ZSWIM2: variants seen among roughly 807,000 people sequenced by gnomAD.
The protein encoded by ZSWIM2 is zinc finger SWIM-type containing 2.
In ZSWIM2, 38 loss-of-function variants were observed where a neutral mutation model predicts 48.4. The ratio of observed to expected loss-of-function variants is 0.79; its 90% CI spans 0.61 to 1.03. ZSWIM2 has a LOEUF of 1.03. ZSWIM2 is among the 50% of genes least tolerant of loss of function. ZSWIM2 has a pLI of 0.00. For missense variants in ZSWIM2, 776 were observed against 730.2 expected (o/e 1.06, Z -0.72); for synonymous variants, 240 against 251.3 (o/e 0.96, Z 0.42).
chr2:186,847,789 G>A lies in ZSWIM2; in HGVS notation c.172C>T (p.Leu58=). The A allele has an allele frequency of 6.2e-7, 1 of 1,600,326 alleles. No homozygotes were observed. Among genetic ancestry groups the A allele is most frequent in the Non-Finnish European group, 8.5e-7 (1 of 1,173,000 alleles). The change falls in exon 2 of 9, where the codon CTA becomes TTA. Residue 58 remains leucine (L), a synonymous_variant. Transcript: ENST00000295131. The stretch of plus-strand genomic sequence containing the variant: ...CAGTTACAAACGTGAGGATTTCCTA[G>A]AAAAACCTTTAAAGGAAAAATGCAT... ...EPEYMDFRVF[L]GNPHVCNCST...
At position 186,837,174 on chromosome 2, in the gene ZSWIM2, G is replaced by A. The variant is rs990473483; in HGVS notation, c.743+132C>T. ...AAGTCAGTCTGTGAGTCCTAAATAA[G>A]CAGTCGTCACACAAGTCAAACAGTA... On this transcript the variant is annotated intron_variant, in intron 5 of 8. Coordinates refer to ENST00000295131, the MANE Select transcript of ZSWIM2 (RefSeq NM_182521.3). 4.5e-6 allele frequency: 4 copies of A among 880,872 alleles called. No homozygotes were observed. The African/African-American group carries it at 6.8e-5, about 15-fold the overall frequency. 54.6% of individuals were successfully genotyped at this position (880,872 alleles called of 1,614,324 possible).
In ZSWIM2 at chr2:186,834,038, T is replaced by C; in HGVS notation, c.744-8A>G. ...TCTATGCATTCGGTACACCTAAAAA[T>C]ACAAAACATCAAAACACGCAAGAAA... On this transcript the variant is annotated splice_region_variant and splice_polypyrimidine_tract_variant and intron_variant, in intron 5 of 8. Coordinates refer to ENST00000295131, the MANE Select transcript of ZSWIM2 (RefSeq NM_182521.3). 2 of 1,597,736 alleles carry C rather than the reference T, an allele frequency of 1.3e-6. No individual in the cohort carries two copies. Among genetic ancestry groups the C allele is most frequent in the Non-Finnish European group, 1.7e-6 (2 of 1,168,528 alleles).
rs1691643709 is a variant in ZSWIM2 at position 186,828,713 on chromosome 2, GTTATATA to G, written c.1166_1172del (p.Ile389ThrfsTer3). 6.2e-7 allele frequency: 1 copy of G among 1,611,916 alleles called. No individual in the cohort carries two copies. ...CTGCTGAATTTTTCCAAGTTAAAGG[GTTATATA>G]TAACTTGTCCATCAATAGGGCATGA... On this transcript the variant is annotated frameshift_variant, in exon 9 of 9. Coordinates refer to ENST00000295131, the MANE Select transcript of ZSWIM2 (RefSeq NM_182521.3). LOFTEE classifies it low-confidence loss of function (END_TRUNC).
At chr2:186,841,658 C>T (rs968578830) in intron 3 of ZSWIM2, among the ~76,000 whole-genome samples, 2 of 151,022 alleles carry the variant, frequency 1.3e-5, no homozygotes, top group African/African-American at 2.4e-5. Flanking sequence ...TATAATATAC[C>T]ATATTTAGTG....
chr2:186,844,774 G>A lies in ZSWIM2; in HGVS notation c.243-17C>T. The stretch of plus-strand genomic sequence containing the variant: ...AACAAGACCCTAACATTCACAAGTA[G>A]AAAAAAAATCAAGACATTTATTTTT... On this transcript the variant is annotated splice_polypyrimidine_tract_variant and intron_variant, in intron 2 of 8. Transcript: ENST00000295131. The A allele has an allele frequency of 1.3e-6, 2 of 1,535,394 alleles. No individual in the cohort carries two copies. Among genetic ancestry groups the A allele is most frequent in the Non-Finnish European group, 1.7e-6 (2 of 1,147,306 alleles).
chr2:186,833,327 A>G (rs1006856193), intron 6 of ZSWIM2, 95 bp from the exon 7 acceptor site: 3 of 559,206 alleles, frequency 5.4e-6, no homozygotes, highest in Non-Finnish European at 9.4e-6. Flanking sequence ...TAATGTGAAC[A>G]ATACACAATA....
chr2:186,828,315 C>T lies in ZSWIM2; in HGVS notation c.1571G>A (p.Cys524Tyr), dbSNP rs918209762. The change falls in exon 9 of 9, where the codon TGT becomes TAT. Residue 524 changes from cysteine to tyrosine, a missense_variant. By Grantham distance (194) the Cys-to-Tyr change is radical. Coordinates refer to ENST00000295131, the MANE Select transcript of ZSWIM2 (RefSeq NM_182521.3). ...LPPIVHKNIV[C>Y]PTAMESPCIS... The stretch of plus-strand genomic sequence containing the variant: ...GCATGGACTTTCCATTGCAGTGGGA[C>T]ACACAATATTCTTATGAACAATAGG... 6 of 1,613,536 alleles carry T rather than the reference C, an allele frequency of 3.7e-6. No homozygotes were observed. The highest frequency in any genetic ancestry group is 5.1e-6 in the Non-Finnish European group (6 of 1,179,814).
intron 2 of ZSWIM2, among the ~76,000 whole-genome samples, chr2:186,846,794 T>TAC (rs1692009861): frequency 2.6e-5 from 2 of 76,436 alleles, no homozygotes; most frequent in African/African-American, 8.3e-5. Context: ...AACATATATA[T>TAC]ATACACACAC....
intron 4 of ZSWIM2, 122 bp downstream of exon 4, chr2:186,838,837 T>C: frequency 2.0e-6 from 1 of 512,352 alleles, no homozygotes; most frequent in Non-Finnish European, 3.3e-6. Context: ...GTTAATTAAG[T>C]ATAAATTAGC....
intron 1 of ZSWIM2, 86 bp downstream of exon 1, chr2:186,848,880 G>A (rs1464077096): frequency 1.3e-6 from 2 of 1,539,148 alleles, no homozygotes; most frequent in Middle Eastern, 1.7e-4. Flanking sequence ...AGATTGTGAT[G>A]GTGGCTACGC....
intron 3 of ZSWIM2, among the ~76,000 whole-genome samples, chr2:186,842,614 A>C (rs2122870): frequency 0.25 from 37,151 of 151,290 alleles, 5,208 homozygotes; most frequent in Non-Finnish European, 0.31. Flanking sequence ...CATACGATTC[A>C]ATTTATAAAA....
At chr2:186,842,779 A>G (rs920947421) in intron 3 of ZSWIM2, among the ~76,000 whole-genome samples, 2 of 151,556 alleles carry the variant, frequency 1.3e-5, no homozygotes, top group African/African-American at 4.8e-5. Flanking sequence ...ACAAATTTTA[A>G]ATTTTGTTAA....
In ZSWIM2 at chr2:186,827,855, T is replaced by G; in HGVS notation, c.*129A>C. 2.8e-6 allele frequency: 2 copies of G among 715,176 alleles called. No homozygotes were observed. Among genetic ancestry groups the G allele is most frequent in the Non-Finnish European group, 4.4e-6 (2 of 457,344 alleles). 44.3% of individuals were successfully genotyped at this position (715,176 alleles called of 1,614,324 possible). ...TTTCCTTTAAGTGTAGTGAGCTGTT[T>G]ATAGGTAAGTAGGCAAATTCCAACA... is the stretch of plus-strand genomic sequence containing the variant. On this transcript the variant is annotated 3_prime_UTR_variant, in exon 9 of 9. Transcript: ENST00000295131.
chr2:186,847,881 G>A (rs1574144204), intron 1 of ZSWIM2, 86 bp from the exon 2 acceptor site: 1 of 943,610 alleles, frequency 1.1e-6, no homozygotes, highest in Non-Finnish European at 1.6e-6. Context: ...ATTTGAAGAG[G>A]TAATTTAGTT....
intron 4 of ZSWIM2, among the ~76,000 whole-genome samples, chr2:186,838,077 GT>G (rs1691829760): frequency 6.6e-6 from 1 of 151,282 alleles, no homozygotes; most frequent in Admixed American, 6.6e-5. Context: ...GTGGACAAAA[GT>G]TTTGTTAAAT....
At chr2:186,832,725 C>A in intron 7 of ZSWIM2, among the ~76,000 whole-genome samples, 1 of 151,518 alleles carries the variant, frequency 6.6e-6, no homozygotes, top group South Asian at 2.1e-4. Flanking sequence ...CTACTGTATC[C>A]CTCATATCTA....
intron 5 of ZSWIM2, among the ~76,000 whole-genome samples, chr2:186,835,258 C>A (rs1691773724): frequency 6.6e-6 from 1 of 152,098 alleles, no homozygotes; most frequent in African/African-American, 2.4e-5. Flanking sequence ...TCCATAAAAG[C>A]CCAATCTCAA....
At chr2:186,846,810 CAT>C (rs36111849) in intron 2 of ZSWIM2, among the ~76,000 whole-genome samples, 113,328 of 143,842 alleles carry the variant, frequency 0.79, 44,960 homozygotes, top group Middle Eastern at 0.94. Context: ...CACACACACA[CAT>C]ATATATATAT....
chr2:186,836,688 A>G (rs1167025468), intron 5 of ZSWIM2, among the ~76,000 whole-genome samples: 1 of 152,154 alleles, frequency 6.6e-6, no homozygotes, highest in Non-Finnish European at 1.5e-5. Context: ...AGAAAATACA[A>G]ATTTCCTAGG....
Sources: allele counts gnomAD v4.1 joint callset (sites outside exome capture counted in the v4.1 genomes callset), GRCh38; gene constraint gnomAD v4.1.1; transcripts MANE v1.5; gene names NCBI Gene and HGNC (gene_info 2026-07-23, HGNC 2026-07-21).